ZNF726: variants seen among roughly 807,000 people sequenced by gnomAD.
ZNF726 encodes zinc finger protein 726.
A neutral mutation model predicts 11.6 loss-of-function variants in ZNF726; 15 were observed. That is an observed-to-expected ratio of 1.29 (90% CI 0.86 to 1.99). The LOEUF is 1.99. ZNF726 is among the 30% of genes most tolerant of loss of function. The probability of loss-of-function intolerance (pLI) is 0.00; values close to 1 mark genes in which losing one functional copy is unlikely to be tolerated. For missense variants in ZNF726, 890 were observed against 725.6 expected, an observed-to-expected ratio of 1.23 and a Z score of -2.60; for synonymous variants, 295 against 243.6, an observed-to-expected ratio of 1.21 and a Z score of -1.96.
intron 3 of ZNF726, among the ~76,000 whole-genome samples, chr19:23,925,283 A>G (rs1013361348): frequency 6.6e-6 from 1 of 152,164 alleles, no homozygotes; most frequent in Non-Finnish European, 1.5e-5. Flanking sequence ...TTAATAATTT[A>G]TATTATTTGA....
intron 3 of ZNF726, among the ~76,000 whole-genome samples, chr19:23,941,297 G>T (rs1968334877): frequency 6.6e-6 from 1 of 152,174 alleles, no homozygotes; most frequent in Non-Finnish European, 1.5e-5. Context: ...ACGTGTGTGT[G>T]TTAAACCATC....
At position 23,919,390 on chromosome 19, in the gene ZNF726, G is replaced by A; in HGVS notation, c.21G>A (p.Arg7=). 2 of 1,606,812 alleles carry A rather than the reference G, an allele frequency of 1.2e-6. No individual in the cohort carries two copies. The highest frequency in any genetic ancestry group is 1.7e-6 in the Non-Finnish European group (2 of 1,175,622). ...TTTTCCAGGGACTGTTGACATTTAG[G>A]GATGTGGCCATAGAATTCTCTCTGG... The part of the protein sequence containing the change: MGLLTF[R]DVAIEFSLEE... Residue 7 remains arginine (R), a synonymous_variant, in exon 2 of 4, where the codon AGG becomes AGA. Transcript: ENST00000594466.
chr19:23,929,779 CAT>C (rs749879590), intron 3 of ZNF726, among the ~76,000 whole-genome samples: 17 of 152,152 alleles, frequency 1.1e-4, no homozygotes, highest in Middle Eastern at 3.4e-3. Flanking sequence ...TGTGTATTAA[CAT>C]ATTTATGCAG....
intron 3 of ZNF726, among the ~76,000 whole-genome samples, chr19:23,924,531 T>A (rs4932934): frequency 0.83 from 126,517 of 152,162 alleles, 53,054 homozygotes; most frequent in African/African-American, 0.95. Flanking sequence ...TCCAGTTTTT[T>A]AAAAAATAAT....
At chr19:23,934,570 C>A (rs922012498), downstream of ZNF726, 2 of 355,202 alleles carry the variant, frequency 5.6e-6, no homozygotes, top group South Asian at 4.4e-5. Context: ...TTTCTAGAAT[C>A]AAGAAGGGTG....
rs550470826 is a variant in ZNF726, at chr19:23,922,400, C to T, written c.226+2318C>T. Among the ~76,000 whole-genome samples the T allele has an allele frequency of 6.6e-5, 10 of 152,260 alleles. No individual in the cohort carries two copies. In the East Asian group the frequency reaches 1.9e-3, roughly 29 times the overall value. On this transcript the variant is annotated intron_variant, in intron 3 of 3. Coordinates refer to ENST00000594466, the MANE Select transcript of ZNF726 (RefSeq NM_001244038.2). Reference sequence around the variant, plus strand: ...CTGAGTCATGGAACTGCTTCAGGGACCACAGGAAAGGCCAAGGTCTGAGGC... The same window carrying T: ...CTGAGTCATGGAACTGCTTCAGGGATCACAGGAAAGGCCAAGGTCTGAGGC...
chr19:23,937,593 C>CTGG (rs1968266733), downstream of ZNF726, among the ~76,000 whole-genome samples: 9 of 150,618 alleles, frequency 6.0e-5, no homozygotes, highest in East Asian at 4.0e-4. Context: ...GGATGGCGGC[C>CTGG]GGGAAGAGGC....
chr19:23,918,829 T>A (rs1967769117), intron 1 of ZNF726, among the ~76,000 whole-genome samples: 1 of 152,068 alleles, frequency 6.6e-6, no homozygotes, highest in Non-Finnish European at 1.5e-5. Flanking sequence ...ACACGACTCT[T>A]CCACTTACTG....
Position 23,920,004 on chromosome 19 carries a change from C to G in ZNF726, c.148C>G (p.Pro50Ala). Residue 50 changes from proline (P) to alanine (A), a missense_variant, in exon 3 of 4, where the codon CCA (proline) becomes GCA (alanine). Coordinates refer to ENST00000594466, the MANE Select transcript of ZNF726 (RefSeq NM_001244038.2). ...LAFLGIAVSK[P>A]DLIICLEKEK... The stretch of plus-strand genomic sequence containing the variant: ...TAAAACAGGTATTGCTGTCTCTAAG[C>G]CAGACCTCATCATCTGTCTGGAGAA... 6.3e-7 allele frequency: 1 copy of G among 1,583,662 alleles called. No homozygotes were observed. The highest frequency in any genetic ancestry group is 8.6e-7 in the Non-Finnish European group (1 of 1,162,460).
chr19:23,932,916 GCCAA>G lies in ZNF726; in HGVS notation c.801_804del (p.Gln268ProfsTer4). The G allele has an allele frequency of 6.2e-7, 1 of 1,608,888 alleles. No homozygotes were observed. Among genetic ancestry groups the G allele is most frequent in the South Asian group, 1.1e-5 (1 of 90,734 alleles). On this transcript the variant is annotated frameshift_variant, in exon 4 of 4. Transcript: ENST00000594466. LOFTEE classifies it low-confidence loss of function (END_TRUNC). ...TGTGAAGAATGTGGCAAAGCATTTA[GCCAA>G]TCCTCAACACTAACCATACATAAGA...
At chr19:23,930,630 G>A (rs994280423) in intron 3 of ZNF726, among the ~76,000 whole-genome samples, 3 of 151,970 alleles carry the variant, frequency 2.0e-5, no homozygotes, top group African/African-American at 7.2e-5. Context: ...TATATTTGTT[G>A]TGTAAGTTTG....
chr19:23,923,221 A>G (rs185281493), intron 3 of ZNF726, among the ~76,000 whole-genome samples: 65 of 152,236 alleles, frequency 4.3e-4, no homozygotes, highest in Non-Finnish European at 7.9e-4. Flanking sequence ...ATGTAAGGCT[A>G]TTCTTTGCTT....
At chr19:23,940,042 A>G (rs1366870298) in intron 3 of ZNF726, among the ~76,000 whole-genome samples, 1 of 151,628 alleles carries the variant, frequency 6.6e-6, no homozygotes, top group Non-Finnish European at 1.5e-5. Flanking sequence ...GGTCCCAGCT[A>G]TTTATCTTTG....
At chr19:23,916,905 A>C (rs527503729) in intron 1 of ZNF726, among the ~76,000 whole-genome samples, 1 of 152,096 alleles carries the variant, frequency 6.6e-6, no homozygotes, top group African/African-American at 2.4e-5. Context: ...TGAGTAAAAC[A>C]TATCTGTACC....
chr19:23,932,944 G>A lies in ZNF726; in HGVS notation c.828G>A (p.Lys276=), dbSNP rs772956590. 2.5e-6 allele frequency: 4 copies of A among 1,611,716 alleles called. No homozygotes were observed. Among genetic ancestry groups the A allele is most frequent in the Non-Finnish European group, 3.4e-6 (4 of 1,179,580 alleles). ...FSQSSTLTIH[K]RIHTGEKPCK... ...AATCCTCAACACTAACCATACATAA[G>A]AGGATACATACTGGAGAGAAACCCT... The change falls in exon 4 of 4, where the codon AAG becomes AAA. Residue 276 remains lysine, a synonymous_variant. Coordinates refer to ENST00000594466, the MANE Select transcript of ZNF726 (RefSeq NM_001244038.2).
downstream of ZNF726, among the ~76,000 whole-genome samples, chr19:23,937,513 C>T (rs189226656): frequency 1.2e-3 from 184 of 150,630 alleles, no homozygotes; most frequent in African/African-American, 4.1e-3. Flanking sequence ...GACAGGGTGG[C>T]AGGGCAGAGG....
chr19:23,933,079 A>G lies in ZNF726; in HGVS notation c.963A>G (p.Ala321=), dbSNP rs766936732. ...ACAAATGTGAAGAATGTGGCAAAGC[A>G]TTTGTTTGGTCCTCAACCCTAACTA... is the stretch of plus-strand genomic sequence containing the variant. ...KPYKCEECGK[A]FVWSSTLTRH... The change falls in exon 4 of 4, where the codon GCA becomes GCG. Residue 321 remains alanine, a synonymous_variant. Transcript: ENST00000594466. 6.2e-7 allele frequency: 1 copy of G among 1,611,026 alleles called. No homozygotes were observed. The highest frequency in any genetic ancestry group is 8.5e-7 in the Non-Finnish European group (1 of 1,179,672).
intron 3 of ZNF726, among the ~76,000 whole-genome samples, chr19:23,931,524 T>G (rs1293872152): frequency 6.6e-6 from 1 of 152,162 alleles, no homozygotes; most frequent in Non-Finnish European, 1.5e-5. Flanking sequence ...TCAGAAAATT[T>G]TATGATATTT....
rs768385848 is a variant in ZNF726 at position 23,933,702 on chromosome 19, G to T, written c.1586G>T (p.Arg529Met). Reference sequence around the variant, plus strand: ...TCCTCGACCCTATCTAAACATAAGAGGATTCACACTGGAGAGAAACCCTAC... The same window carrying T: ...TCCTCGACCCTATCTAAACATAAGATGATTCACACTGGAGAGAAACCCTAC... ...ILSSTLSKHK[R>M]IHTGEKPYKC... The change falls in exon 4 of 4, where the codon AGG (arginine) becomes ATG (methionine). Residue 529 changes from arginine to methionine, a missense_variant. Coordinates refer to ENST00000594466, the MANE Select transcript of ZNF726 (RefSeq NM_001244038.2). 1 of 1,611,698 alleles carries T rather than the reference G, an allele frequency of 6.2e-7. No individual in the cohort carries two copies. Among genetic ancestry groups the T allele is most frequent in the African/African-American group, 1.3e-5 (1 of 74,768 alleles).
Sources: gnomAD v4.1 joint callset for allele counts (sites outside exome capture counted in the v4.1 genomes callset) on GRCh38, gnomAD v4.1.1 for gene constraint, MANE v1.5 for transcripts, NCBI Gene and HGNC (gene_info 2026-07-23, HGNC 2026-07-21) for gene names.